KCNQ3: variants seen among roughly 807,000 people sequenced by gnomAD.
KCNQ3 encodes potassium voltage-gated channel subfamily Q member 3, also known as potassium voltage-gated channel subfamily KQT member 3.
Under a neutral mutation model 92.5 loss-of-function variants are expected in KCNQ3, and 30 were observed. That is an observed-to-expected ratio of 0.32 (90% CI 0.24 to 0.44). The LOEUF (loss-of-function observed/expected upper bound fraction) is 0.44. KCNQ3 is among the 20% of genes least tolerant of loss of function. The probability of loss-of-function intolerance (pLI) is 1.00; values close to 1 mark genes in which losing one functional copy is unlikely to be tolerated. For synonymous variants in KCNQ3, 450 were observed against 468.8 expected (o/e 0.96, Z 0.52); for missense variants, 913 against 1,140.3 (o/e 0.80, Z 2.87).
intron 1 of KCNQ3, among the ~76,000 whole-genome samples, chr8:132,255,397 A>C (rs1815552218): frequency 6.6e-6 from 1 of 152,228 alleles, no homozygotes; most frequent in Non-Finnish European, 1.5e-5. Context: ...CAGGTGCCTG[A>C]GCTAGCAATA....
In KCNQ3 at chr8:132,183,282, G is replaced by A. The variant is rs75951303; in HGVS notation, c.604+959C>T. 3.7e-3 allele frequency among the ~76,000 whole-genome samples: 569 copies of A among 152,180 alleles called. 2 individuals carry two copies. The highest frequency in any genetic ancestry group is 6.3e-3 in the Non-Finnish European group (431 of 67,996). On this transcript the variant is annotated intron_variant, in intron 3 of 14. Coordinates refer to ENST00000388996, the MANE Select transcript of KCNQ3 (RefSeq NM_004519.4). ...GAAGACTCTTCTGGAGTAGAGAGGG[G>A]GAATAACATGTCTAGACTCAAATAC... is the stretch of plus-strand genomic sequence containing the variant.
chr8:132,250,980 T>C (rs1815389218), intron 1 of KCNQ3, among the ~76,000 whole-genome samples: 1 of 152,220 alleles, frequency 6.6e-6, no homozygotes, highest in Non-Finnish European at 1.5e-5. Flanking sequence ...CATTTGTGGC[T>C]GGGCACCATG....
At chr8:132,307,480 T>C (rs898175735) in intron 1 of KCNQ3, among the ~76,000 whole-genome samples, 1 of 152,230 alleles carries the variant, frequency 6.6e-6, no homozygotes, top group Non-Finnish European at 1.5e-5. Flanking sequence ...GGGTTCTAAC[T>C]TGCTGTGTGT....
chr8:132,383,365 C>T (rs1490935259), intron 1 of KCNQ3, among the ~76,000 whole-genome samples: 1 of 152,138 alleles, frequency 6.6e-6, no homozygotes, highest in African/African-American at 2.4e-5. Flanking sequence ...GGTGACAGGG[C>T]CAGGGCAGCG....
At chr8:132,164,588 C>T (rs187968886) in intron 8 of KCNQ3, among the ~76,000 whole-genome samples, 1 of 152,114 alleles carries the variant, frequency 6.6e-6, no homozygotes, top group East Asian at 1.9e-4. Context: ...TCCCCGCGAG[C>T]ACAATAAAGT....
In KCNQ3 at chr8:132,153,948, G is replaced by A. The variant is rs1219996715; in HGVS notation, c.1262+9520C>T. 2.0e-5 allele frequency among the ~76,000 whole-genome samples: 3 copies of A among 151,948 alleles called. No homozygotes were observed. In the East Asian group the frequency reaches 5.8e-4, roughly 30 times the overall value. On this transcript the variant is annotated intron_variant, in intron 9 of 14. Coordinates refer to ENST00000388996, the MANE Select transcript of KCNQ3 (RefSeq NM_004519.4). ...ATGAGTAGCCATTCATCTTCAGTCT[G>A]TACCCCTTTCAAATGCATCCTGAAC...
intron 1 of KCNQ3, among the ~76,000 whole-genome samples, chr8:132,210,938 T>C (rs1343768839): frequency 1.3e-5 from 2 of 152,182 alleles, no homozygotes; most frequent in Admixed American, 6.5e-5. Flanking sequence ...ACATAATCAC[T>C]CAATGGATGT....
At chr8:132,286,871 G>C (rs1193208972) in intron 1 of KCNQ3, among the ~76,000 whole-genome samples, 1 of 152,190 alleles carries the variant, frequency 6.6e-6, no homozygotes. Flanking sequence ...CCACCCATGA[G>C]AGTGGGTTGT....
At chr8:132,324,572 A>T (rs1277862751) in intron 1 of KCNQ3, among the ~76,000 whole-genome samples, 1 of 152,246 alleles carries the variant, frequency 6.6e-6, no homozygotes, top group African/African-American at 2.4e-5. Context: ...GACACAGTTT[A>T]ATATGAGGAC....
chr8:132,251,466 C>G (rs1464744506), intron 1 of KCNQ3, among the ~76,000 whole-genome samples: 1 of 152,188 alleles, frequency 6.6e-6, no homozygotes, highest in African/African-American at 2.4e-5. Flanking sequence ...CCTGGGAAAA[C>G]TTCTGAATGG....
intron 1 of KCNQ3, among the ~76,000 whole-genome samples, chr8:132,424,256 C>T (rs949916177): frequency 6.6e-6 from 1 of 151,818 alleles, no homozygotes; most frequent in African/African-American, 2.4e-5. Flanking sequence ...AATAGACGTG[C>T]CCCCCACCCC....
intron 1 of KCNQ3, among the ~76,000 whole-genome samples, chr8:132,347,843 G>C (rs1036311657): frequency 1.3e-5 from 2 of 151,962 alleles, no homozygotes; most frequent in African/African-American, 4.8e-5. Flanking sequence ...CGGGCCTGGT[G>C]GTGGGCGCCT....
At position 132,423,613 on chromosome 8, in the gene KCNQ3, C is replaced by T. The variant is rs376866080; in HGVS notation, c.386+56534G>A. On this transcript the variant is annotated intron_variant, in intron 1 of 14. Coordinates refer to ENST00000388996, the MANE Select transcript of KCNQ3 (RefSeq NM_004519.4). The stretch of plus-strand genomic sequence containing the variant: ...ATCTCACAGGGCTGTTGTGAAGATC[C>T]GATGAGCAAATCACTAACAAAGGAA... 1.1e-4 allele frequency among the ~76,000 whole-genome samples: 16 copies of T among 152,272 alleles called. No homozygotes were observed. The South Asian group carries it at 2.5e-3, about 24-fold the overall frequency.
chr8:132,244,690 G>A (rs1815103868), intron 1 of KCNQ3, among the ~76,000 whole-genome samples: 1 of 152,168 alleles, frequency 6.6e-6, no homozygotes, highest in Non-Finnish European at 1.5e-5. Context: ...ACTGAGGTCA[G>A]GTTTGAGGAT....
chr8:132,434,157 G>A (rs1239333706), intron 1 of KCNQ3, among the ~76,000 whole-genome samples: 6 of 143,550 alleles, frequency 4.2e-5, no homozygotes, highest in South Asian at 4.4e-4. Flanking sequence ...GCAGTGAGCC[G>A]AGATCCCGCC....
intron 1 of KCNQ3, among the ~76,000 whole-genome samples, chr8:132,442,750 A>C (rs1053657474): frequency 6.6e-5 from 10 of 152,000 alleles, no homozygotes; most frequent in Non-Finnish European, 1.3e-4. Flanking sequence ...CAGAAAAACC[A>C]CTCCCACAGT....
chr8:132,248,647 A>G (rs1815272774), intron 1 of KCNQ3, among the ~76,000 whole-genome samples: 2 of 152,134 alleles, frequency 1.3e-5, no homozygotes, highest in South Asian at 2.1e-4. Flanking sequence ...TTCCACTCCC[A>G]TATGCGCAGT....
chr8:132,275,532 C>T (rs10808600), intron 1 of KCNQ3, among the ~76,000 whole-genome samples: 1 of 151,378 alleles, frequency 6.6e-6, no homozygotes, highest in African/African-American at 2.4e-5. Flanking sequence ...CCTAGAGGCC[C>T]AAAACGCACC....
intron 1 of KCNQ3, among the ~76,000 whole-genome samples, chr8:132,382,190 C>A (rs908428307): frequency 6.6e-6 from 1 of 152,202 alleles, no homozygotes; most frequent in Non-Finnish European, 1.5e-5. Flanking sequence ...ATATTTGTCC[C>A]TTCCAAATCT....
Sources: allele counts gnomAD v4.1 joint callset (sites outside exome capture counted in the v4.1 genomes callset), GRCh38; gene constraint gnomAD v4.1.1; transcripts MANE v1.5; gene names NCBI Gene and HGNC (gene_info 2026-07-23, HGNC 2026-07-21).